The following PTPRN2 variants were observed in gnomAD, a reference collection of about 807,000 sequenced individuals.
PTPRN2 encodes receptor-type tyrosine-protein phosphatase N2.
Under a neutral mutation model 118.8 loss-of-function variants are expected in PTPRN2, and 74 were observed. That is an observed-to-expected ratio of 0.62 (90% CI 0.52 to 0.76). The LOEUF (loss-of-function observed/expected upper bound fraction) is 0.76, where lower values mean the gene tolerates loss of function less well. Ranked by LOEUF, PTPRN2 falls within the 30% of genes least tolerant of loss-of-function variation. The pLI is 0.00. For missense variants in PTPRN2, 1,481 were observed against 1,394.4 expected (o/e 1.06, Z -0.99); for synonymous variants, 641 against 608.0 (o/e 1.05, Z -0.80).
At chr7:157,681,634 G>T (rs915407052) in intron 13 of PTPRN2, among the ~76,000 whole-genome samples, 1 of 152,156 alleles carries the variant, frequency 6.6e-6, no homozygotes, top group Admixed American at 6.5e-5. Context: ...TTCCTTATGT[G>T]GGGGAGGGTC....
chr7:157,892,998 G>A (rs907666598), intron 12 of PTPRN2, among the ~76,000 whole-genome samples: 5 of 152,366 alleles, frequency 3.3e-5, no homozygotes, highest in African/African-American at 9.6e-5. Context: ...CTCTGGGCAC[G>A]ATGTCCGTGG....
At chr7:157,956,326 C>T (rs1013027868) in intron 11 of PTPRN2, among the ~76,000 whole-genome samples, 2 of 152,106 alleles carry the variant, frequency 1.3e-5, no homozygotes, top group African/African-American at 4.8e-5. Flanking sequence ...CGCTCCGGTC[C>T]ACATCTGGGT....
intron 2 of PTPRN2, among the ~76,000 whole-genome samples, chr7:158,469,544 A>T (rs1239394866): frequency 6.6e-6 from 1 of 152,214 alleles, no homozygotes; most frequent in Non-Finnish European, 1.5e-5. Context: ...AAGAAAGAAG[A>T]AGCAAAATCC....
At chr7:158,392,372 G>A (rs182199825) in intron 2 of PTPRN2, among the ~76,000 whole-genome samples, 9 of 152,316 alleles carry the variant, frequency 5.9e-5, no homozygotes, top group African/African-American at 1.7e-4. Context: ...GGCAGGCACA[G>A]GGCAACCCCA....
intron 1 of PTPRN2, chr7:158,537,385 A>G (rs1385295776): frequency 2.0e-5 from 3 of 152,294 alleles, no homozygotes; most frequent in Non-Finnish European, 2.9e-5. Context: ...GGCCCAAACG[A>G]GGAAGCAGAG....
rs564181886 is a variant in PTPRN2 at position 157,657,915 on chromosome 7, A to C, written c.2002-1364T>G. On this transcript the variant is annotated intron_variant, in intron 13 of 22. Transcript: ENST00000389418. ...CACACATCACAGACACACACACACCACACACATCGCAGACACACCACACAC... is the reference window on the plus strand; with the variant it reads ...CACACATCACAGACACACACACACCCCACACATCGCAGACACACCACACAC... Among the ~76,000 whole-genome samples, 16 of 140,310 alleles carry C rather than the reference A, an allele frequency of 1.1e-4. No homozygotes were observed. The South Asian group carries it at 1.6e-3, about 14-fold the overall frequency. The allele number at this position is 140,310 out of a possible 152,430, so 92.0% of individuals were successfully genotyped here.
chr7:158,529,489 C>T lies in PTPRN2; in HGVS notation c.113-39704G>A, dbSNP rs751375642. Reference sequence around the variant, plus strand: ...CAGCAACGACGAGCCATGGTGACAGCTCACACACAGCTGCAAACTCACATC... The same window carrying T: ...CAGCAACGACGAGCCATGGTGACAGTTCACACACAGCTGCAAACTCACATC... On this transcript the variant is annotated intron_variant, in intron 1 of 22. Transcript: ENST00000389418. The surrounding 1 kb of genome is among the most constrained non-coding windows in gnomAD (Gnocchi z 4.7). 2.0e-4 allele frequency among the ~76,000 whole-genome samples: 30 copies of T among 152,206 alleles called. No homozygotes were observed. Among genetic ancestry groups the T allele is most frequent in the Non-Finnish European group, 2.2e-4 (15 of 68,040 alleles).
At chr7:157,565,138 C>T (rs1168846903) in intron 21 of PTPRN2, among the ~76,000 whole-genome samples, 1 of 152,214 alleles carries the variant, frequency 6.6e-6, no homozygotes, top group African/African-American at 2.4e-5. Context: ...CGGAAGTGAT[C>T]CATCCCCGTA....
intron 11 of PTPRN2, among the ~76,000 whole-genome samples, chr7:157,971,627 T>C (rs912839005): frequency 1.3e-5 from 2 of 152,128 alleles, no homozygotes; most frequent in Non-Finnish European, 1.5e-5. Flanking sequence ...TGTTTTACGA[T>C]TAAGTGCATT....
intron 11 of PTPRN2, among the ~76,000 whole-genome samples, chr7:157,904,698 C>T (rs982050838): frequency 6.6e-6 from 1 of 152,224 alleles, no homozygotes; most frequent in Non-Finnish European, 1.5e-5. Flanking sequence ...GTGTTCCGGC[C>T]GCTTTCAGCG....
intron 12 of PTPRN2, among the ~76,000 whole-genome samples, chr7:157,814,511 G>GA (rs113475977): frequency 0.12 from 16,986 of 145,992 alleles, 1,999 homozygotes; most frequent in African/African-American, 0.3. Context: ...GGGCAGGACG[G>GA]GGCAGGACGG....
chr7:157,844,702 G>A (rs936916045), intron 12 of PTPRN2, among the ~76,000 whole-genome samples: 5 of 152,314 alleles, frequency 3.3e-5, no homozygotes, highest in East Asian at 3.9e-4. Flanking sequence ...GCTTGTTCAC[G>A]TCCTAAGTTG....
In PTPRN2 at chr7:157,977,796, A is replaced by C. The variant is rs1269436592; in HGVS notation, c.1724-79059T>G. Among the ~76,000 whole-genome samples the C allele has an allele frequency of 6.6e-6, 1 of 151,848 alleles. No homozygotes were observed. Among genetic ancestry groups the C allele is most frequent in the Non-Finnish European group, 1.5e-5 (1 of 67,906 alleles). On this transcript the variant is annotated intron_variant, in intron 11 of 22. Coordinates refer to ENST00000389418, the MANE Select transcript of PTPRN2 (RefSeq NM_002847.5). This position sits in a 1 kb window ranked among gnomAD's most constrained non-coding sequence, Gnocchi z 4.6. Reference sequence around the variant, plus strand: ...ACACTTGAAGATCTAGTGACACCTAAGAGCTCCCTGTTGCTGCTGCTGGGG... The same window carrying C: ...ACACTTGAAGATCTAGTGACACCTACGAGCTCCCTGTTGCTGCTGCTGGGG...
intron 1 of PTPRN2, among the ~76,000 whole-genome samples, chr7:158,518,540 G>C (rs1479011689): frequency 1.3e-5 from 2 of 152,140 alleles, no homozygotes; most frequent in East Asian, 3.8e-4. Context: ...ACCTTTAAAA[G>C]AGGGTAGGAC....
chr7:157,861,600 A>G lies in PTPRN2; in HGVS notation c.1788+37073T>C, dbSNP rs1810246377. On this transcript the variant is annotated intron_variant, in intron 12 of 22. Transcript: ENST00000389418. This position sits in a 1 kb window ranked among gnomAD's most constrained non-coding sequence, Gnocchi z 5.8. ...GTGAGGCTTTTGGGGCTGCCAGAAC[A>G]AAGGACTCCAGACGGATGGGCTTGA... Among the ~76,000 whole-genome samples the G allele has an allele frequency of 6.6e-6, 1 of 152,168 alleles. No individual in the cohort carries two copies. Among genetic ancestry groups the G allele is most frequent in the Admixed American group, 6.5e-5 (1 of 15,284 alleles).
intron 14 of PTPRN2, among the ~76,000 whole-genome samples, chr7:157,638,707 T>G (rs1266688352): frequency 1.3e-5 from 2 of 152,074 alleles, no homozygotes; most frequent in African/African-American, 4.8e-5. Flanking sequence ...ATTCCCAGGG[T>G]TTGGAGGGTG....
intron 3 of PTPRN2, among the ~76,000 whole-genome samples, chr7:158,233,652 CA>C (rs1829318385): frequency 6.6e-6 from 1 of 152,024 alleles, no homozygotes; most frequent in Admixed American, 6.6e-5. Flanking sequence ...CAAAAGACCC[CA>C]AATACCCAAA....
At chr7:157,766,225 A>G (rs1215074219) in intron 12 of PTPRN2, among the ~76,000 whole-genome samples, 4 of 139,486 alleles carry the variant, frequency 2.9e-5, no homozygotes, top group Non-Finnish European at 6.2e-5. Context: ...CCACACACCC[A>G]TCCATCCATC....
At chr7:157,827,091 G>A (rs1367768538) in intron 12 of PTPRN2, among the ~76,000 whole-genome samples, 1 of 152,086 alleles carries the variant, frequency 6.6e-6, no homozygotes, top group Non-Finnish European at 1.5e-5. Context: ...CCAGACATCT[G>A]AAGTTACTAT....
Sources: allele counts gnomAD v4.1 joint callset (sites outside exome capture counted in the v4.1 genomes callset), GRCh38; gene constraint gnomAD v4.1.1; non-coding constraint Gnocchi (gnomAD v3.1); transcripts MANE v1.5; gene names NCBI Gene and HGNC (gene_info 2026-07-23, HGNC 2026-07-21).